Variants in RHBDL3 observed in about 807,000 individuals in gnomAD.
RHBDL3 encodes the protein rhomboid like 3.
In RHBDL3, 28 loss-of-function variants were observed where a neutral mutation model predicts 48.2. That is an observed-to-expected ratio of 0.58 (90% CI 0.43 to 0.80). The LOEUF is 0.80. Ranked by LOEUF, RHBDL3 falls within the 30% of genes least tolerant of loss-of-function variation. The probability of loss-of-function intolerance (pLI) is 0.00; values close to 1 mark genes in which losing one functional copy is unlikely to be tolerated. For synonymous variants in RHBDL3, 208 were observed against 232.3 expected (o/e 0.90, Z 0.95); for missense variants, 464 against 542.7 (o/e 0.85, Z 1.44).
chr17:32,308,927 G>T (rs1448173688), intron 7 of RHBDL3, among the ~76,000 whole-genome samples: 1 of 152,034 alleles, frequency 6.6e-6, no homozygotes, highest in South Asian at 2.1e-4. Context: ...TTAGCCAGGT[G>T]TGGTGGTACG....
At chr17:32,312,441 A>G (rs568490072) in intron 7 of RHBDL3, among the ~76,000 whole-genome samples, 71 of 151,944 alleles carry the variant, frequency 4.7e-4, no homozygotes, top group African/African-American at 1.6e-3. Context: ...TCTCAAAAGG[A>G]AAAAAAAGAA....
At chr17:32,311,429 T>G (rs915020602) in intron 7 of RHBDL3, among the ~76,000 whole-genome samples, 10 of 152,116 alleles carry the variant, frequency 6.6e-5, no homozygotes, top group Non-Finnish European at 1.2e-4. Flanking sequence ...TTACTGGCGT[T>G]TTTTCGCTCC....
chr17:32,294,225 C>T, intron 4 of RHBDL3, 69 bp from the exon 5 acceptor site: 1 of 1,359,044 alleles, frequency 7.4e-7, no homozygotes, highest in African/African-American at 1.5e-5. Flanking sequence ...ACTCCCAGTG[C>T]TAGTCAGCAC....
chr17:32,309,770 C>CT lies in RHBDL3; in HGVS notation c.882+4356dup, dbSNP rs11346917. Among the ~76,000 whole-genome samples, 318 of 124,780 alleles carry CT rather than the reference C, an allele frequency of 2.5e-3. 7 individuals are homozygous for CT. The highest frequency in any genetic ancestry group is 0.01 in the East Asian group (38 of 3,670). 81.9% of individuals were successfully genotyped at this position (124,780 alleles called of 152,430 possible). ...GCAAAAAGCCCTATAATCAAGACTT[C>CT]TTTTTTTTTTTTTTTTTTTTTTTTT... On this transcript the variant is annotated intron_variant, in intron 7 of 8. Transcript: ENST00000269051.
chr17:32,266,145 G>A lies in RHBDL3; in HGVS notation c.-45G>A. ...GGCGCAAAGTTAGCCCGGCGCCCCG[G>A]GACGAGCCCCGCAGCCGCCGCCGCC... On this transcript the variant is annotated 5_prime_UTR_variant, in exon 1 of 9. Coordinates refer to ENST00000269051, the MANE Select transcript of RHBDL3 (RefSeq NM_138328.3). The A allele has an allele frequency of 1.3e-6, 1 of 786,234 alleles. No individual in the cohort carries two copies. Among genetic ancestry groups the A allele is most frequent in the Non-Finnish European group, 1.6e-6 (1 of 612,718 alleles). The allele number at this position is 786,234 out of a possible 1,614,324, so 48.7% of individuals were successfully genotyped here.
chr17:32,275,093 T>A (rs1243296228), intron 2 of RHBDL3, among the ~76,000 whole-genome samples: 1 of 152,136 alleles, frequency 6.6e-6, no homozygotes, highest in Admixed American at 6.5e-5. Flanking sequence ...CTTTGGTGGC[T>A]GCCAGGAGAA....
At chr17:32,299,063 T>TA (rs61551462) in intron 6 of RHBDL3, among the ~76,000 whole-genome samples, 3 of 151,446 alleles carry the variant, frequency 2.0e-5, no homozygotes, top group Non-Finnish European at 4.4e-5. Context: ...TTTTTTTTTT[T>TA]AACAAGGTTT....
Position 32,302,735 on chromosome 17 carries a change from T to G in RHBDL3, c.782-2606T>G, listed in dbSNP as rs1032304025. Among the ~76,000 whole-genome samples, 11 of 152,052 alleles carry G rather than the reference T, an allele frequency of 7.2e-5. No homozygotes were observed. The East Asian group carries it at 2.1e-3, about 29-fold the overall frequency. ...GGGCAGGTGGATTCAGGCCGTTACC[T>G]TTGAGGTTCCAGAATCGGGACCCGA... On this transcript the variant is annotated intron_variant, in intron 6 of 8. Coordinates refer to ENST00000269051, the MANE Select transcript of RHBDL3 (RefSeq NM_138328.3).
At chr17:32,315,991 C>T (rs954962136) in intron 7 of RHBDL3, among the ~76,000 whole-genome samples, 4 of 151,944 alleles carry the variant, frequency 2.6e-5, no homozygotes, top group Non-Finnish European at 5.9e-5. Flanking sequence ...CAGGGCCTCT[C>T]CTCTTCCTAG....
At chr17:32,314,280 T>C (rs1288687146) in intron 7 of RHBDL3, among the ~76,000 whole-genome samples, 2 of 152,206 alleles carry the variant, frequency 1.3e-5, no homozygotes, top group Non-Finnish European at 2.9e-5. Context: ...TATAGACATA[T>C]GTATGTATAT....
At chr17:32,274,735 G>A (rs2039852960) in intron 2 of RHBDL3, among the ~76,000 whole-genome samples, 1 of 152,222 alleles carries the variant, frequency 6.6e-6, no homozygotes, top group Admixed American at 6.5e-5. Flanking sequence ...TGAGGTTTGA[G>A]GGGGCGGAGC....
chr17:32,267,947 C>A, intron 2 of RHBDL3, 22 bp downstream of exon 2: 1 of 1,567,642 alleles, frequency 6.4e-7, no homozygotes, highest in Non-Finnish European at 8.8e-7. Flanking sequence ...GTTAACCCCC[C>A]ATTTCCTTCC....
intron 6 of RHBDL3, 43 bp from the exon 7 acceptor site, chr17:32,305,298 G>C (rs373519235): frequency 2.9e-6 from 4 of 1,399,470 alleles, no homozygotes; most frequent in Non-Finnish European, 4.1e-6. Context: ...TGGGTGAGCC[G>C]AGTCCCGCAC....
intron 4 of RHBDL3, among the ~76,000 whole-genome samples, chr17:32,291,928 C>T (rs1267849527): frequency 2.0e-5 from 3 of 151,822 alleles, no homozygotes; most frequent in Non-Finnish European, 2.9e-5. Flanking sequence ...CCTGCCACCA[C>T]GCCCGGCTAA....
At chr17:32,314,338 G>A (rs1435684350) in intron 7 of RHBDL3, among the ~76,000 whole-genome samples, 1 of 152,126 alleles carries the variant, frequency 6.6e-6, no homozygotes, top group Non-Finnish European at 1.5e-5. Flanking sequence ...TCCGTGTCTT[G>A]CCTATGGTGA....
chr17:32,299,814 C>T (rs1016790499), intron 6 of RHBDL3, among the ~76,000 whole-genome samples: 8 of 152,152 alleles, frequency 5.3e-5, no homozygotes, highest in Non-Finnish European at 1.0e-4. Flanking sequence ...GAGCACATGG[C>T]GTGCACTGTT....
chr17:32,267,701 T>A, intron 1 of RHBDL3: 8 of 649,194 alleles, frequency 1.2e-5, no homozygotes, highest in Non-Finnish European at 1.0e-5. Context: ...TTCCTCCCTC[T>A]GCTCAGTGTG....
chr17:32,321,133 T>A lies in RHBDL3; in HGVS notation c.1119T>A (p.Ile373=). ...TCCAGGACCAGTCACTGTGGTGGAT[T>A]TTTGTGGCCATGTACACCGTCTTCG... The part of the protein sequence containing the change: ...QRLQDQSLWW[I]FVAMYTVFVL... The change falls in exon 9 of 9, where the codon ATT becomes ATA. Residue 373 remains isoleucine (I), a synonymous_variant. Coordinates refer to ENST00000269051, the MANE Select transcript of RHBDL3 (RefSeq NM_138328.3). 6 of 1,614,214 alleles carry A rather than the reference T, an allele frequency of 3.7e-6. No individual in the cohort carries two copies. The highest frequency in any genetic ancestry group is 5.1e-6 in the Non-Finnish European group (6 of 1,180,038).
intron 8 of RHBDL3, among the ~76,000 whole-genome samples, chr17:32,318,059 A>T (rs1675302885): frequency 6.6e-6 from 1 of 151,718 alleles, no homozygotes; most frequent in African/African-American, 2.4e-5. Flanking sequence ...AAAAAAAAAA[A>T]TACAAAAAAA....
Sources: gnomAD v4.1 joint callset for allele counts (sites outside exome capture counted in the v4.1 genomes callset) on GRCh38, gnomAD v4.1.1 for gene constraint, MANE v1.5 for transcripts, NCBI Gene and HGNC (gene_info 2026-07-23, HGNC 2026-07-21) for gene names.